Variants in CDH18 observed in about 807,000 individuals in gnomAD.
CDH18 encodes the protein cadherin-18.
Under a neutral mutation model 67.9 loss-of-function variants are expected in CDH18, and 31 were observed. That is an observed-to-expected ratio of 0.46 (90% confidence interval 0.34 to 0.62). CDH18 has a LOEUF of 0.62. CDH18 is among the 20% of genes least tolerant of loss of function. The probability of loss-of-function intolerance (pLI) is 0.01; values close to 1 mark genes in which losing one functional copy is unlikely to be tolerated. For synonymous variants in CDH18, 362 were observed against 347.2 expected, an observed-to-expected ratio of 1.04 and a Z score of -0.48; for missense variants, 890 against 975.5, an observed-to-expected ratio of 0.91 and a Z score of 1.17.
At chr5:19,863,508 T>C (rs1475123311) in intron 2 of CDH18, among the ~76,000 whole-genome samples, 2 of 152,176 alleles carry the variant, frequency 1.3e-5, no homozygotes, top group Non-Finnish European at 2.9e-5. Flanking sequence ...AAATTCCCCA[T>C]GGTGCTGACA....
intron 2 of CDH18, among the ~76,000 whole-genome samples, chr5:20,164,115 T>C (rs1736098220): frequency 3.9e-5 from 6 of 152,328 alleles, no homozygotes; most frequent in African/African-American, 1.4e-4. Context: ...CCTGGCTAGA[T>C]TGCAACATGT....
At chr5:20,162,025 A>G (rs905759041) in intron 2 of CDH18, among the ~76,000 whole-genome samples, 1 of 152,100 alleles carries the variant, frequency 6.6e-6, no homozygotes, top group African/African-American at 2.4e-5. Flanking sequence ...ATGTGGCCCT[A>G]TATTTAATGC....
In CDH18 at chr5:20,319,595, T is replaced by A. The variant is rs118142220; in HGVS notation, c.-579-64090A>T. On this transcript the variant is annotated intron_variant, in intron 1 of 14. Transcript: ENST00000507958. ...TAAATTGCATTTTTAGGGATTTAGC[T>A]TGCATAACCACAAAACATGTTAATC... is the stretch of plus-strand genomic sequence containing the variant. Among the ~76,000 whole-genome samples the A allele has an allele frequency of 0.014, 2,102 of 152,128 alleles. 236 individuals are homozygous for A. The East Asian group carries it at 0.29, about 21-fold the overall frequency.
Position 19,772,493 on chromosome 5 carries a change from G to T in CDH18, c.229-25257C>A, listed in dbSNP as rs1581273070. ...ATGGGTTACAAGAGAAGGAATTCAGGCTTCTAAAAGCTGAAAAAAAACAGA... is the reference window on the plus strand; with the variant it reads ...ATGGGTTACAAGAGAAGGAATTCAGTCTTCTAAAAGCTGAAAAAAAACAGA... On this transcript the variant is annotated intron_variant, in intron 3 of 12. Coordinates refer to ENST00000382275, the MANE Select transcript of CDH18 (RefSeq NM_004934.5). 3.9e-5 allele frequency among the ~76,000 whole-genome samples: 6 copies of T among 152,060 alleles called. No individual in the cohort carries two copies. The Middle Eastern group carries it at 0.02, about 517-fold the overall frequency.
intron 2 of CDH18, among the ~76,000 whole-genome samples, chr5:20,042,146 C>A (rs1209909576): frequency 2.0e-5 from 3 of 152,140 alleles, no homozygotes; most frequent in African/African-American, 7.2e-5. Flanking sequence ...GCTGAGAGTA[C>A]CTTTTTTGCT....
intron 2 of CDH18, among the ~76,000 whole-genome samples, chr5:19,855,775 T>TAAAAC (rs993036660): frequency 4.6e-5 from 7 of 152,148 alleles, no homozygotes; most frequent in African/African-American, 1.4e-4. Context: ...TTAATGCCAC[T>TAAAAC]AAAACAAATA....
intron 8 of CDH18, among the ~76,000 whole-genome samples, chr5:19,563,009 A>G (rs996124106): frequency 3.3e-5 from 5 of 152,188 alleles, no homozygotes; most frequent in Admixed American, 6.6e-5. Flanking sequence ...AAGTTAAAAA[A>G]AGACTTGCCA....
chr5:19,761,270 T>C (rs1420871665), intron 3 of CDH18, among the ~76,000 whole-genome samples: 3 of 152,286 alleles, frequency 2.0e-5, no homozygotes, highest in East Asian at 1.9e-4. Flanking sequence ...AGCCAGGAGA[T>C]AGAATCTCTC....
intron 5 of CDH18, among the ~76,000 whole-genome samples, chr5:19,658,694 C>T (rs952629227): frequency 2.0e-5 from 3 of 151,100 alleles, no homozygotes; most frequent in African/African-American, 4.9e-5. Context: ...GGTACATGTG[C>T]ACAACTTGCA....
At chr5:20,497,260 C>G (rs1169960807) in intron 1 of CDH18, among the ~76,000 whole-genome samples, 1 of 152,042 alleles carries the variant, frequency 6.6e-6, no homozygotes, top group African/African-American at 2.4e-5. Context: ...TCTTATAGTT[C>G]TTGTCAAAGA....
intron 2 of CDH18, among the ~76,000 whole-genome samples, chr5:19,849,312 C>T (rs1203027643): frequency 6.6e-6 from 1 of 151,672 alleles, no homozygotes; most frequent in Non-Finnish European, 1.5e-5. Flanking sequence ...GAGTATAGGG[C>T]ATAGGGCACA....
chr5:19,756,847 TG>T (rs1432767080), intron 3 of CDH18, among the ~76,000 whole-genome samples: 1 of 152,214 alleles, frequency 6.6e-6, no homozygotes, highest in Non-Finnish European at 1.5e-5. Flanking sequence ...AGATGGTGTG[TG>T]TTGCCACTTA....
upstream of CDH18, chr5:19,991,879 G>A (rs968974708): frequency 7.2e-5 from 11 of 152,078 alleles, no homozygotes; most frequent in African/African-American, 1.4e-4. Flanking sequence ...TTACCCTGGC[G>A]TGGTGGCGGG....
At chr5:19,821,899 G>A (rs576405708) in intron 3 of CDH18, among the ~76,000 whole-genome samples, 18 of 152,112 alleles carry the variant, frequency 1.2e-4, no homozygotes, top group Non-Finnish European at 1.3e-4. Flanking sequence ...ATCTTTTCTC[G>A]ACAAGCAACT....
intron 1 of CDH18, among the ~76,000 whole-genome samples, chr5:20,368,183 G>T (rs554133065): frequency 2.0e-5 from 3 of 152,140 alleles, no homozygotes; most frequent in South Asian, 2.1e-4. Flanking sequence ...TCCAGAAAAA[G>T]ATATGTAAGA....
chr5:20,322,026 A>G (rs1308827797), intron 1 of CDH18, among the ~76,000 whole-genome samples: 3 of 152,140 alleles, frequency 2.0e-5, no homozygotes, highest in Non-Finnish European at 4.4e-5. Flanking sequence ...CTAAGAGAAC[A>G]TATCTGTGGT....
At chr5:19,800,908 C>T (rs944930315) in intron 3 of CDH18, among the ~76,000 whole-genome samples, 7 of 152,054 alleles carry the variant, frequency 4.6e-5, no homozygotes, top group African/African-American at 7.2e-5. Flanking sequence ...TGCCTGAGCT[C>T]GGGAGTCCGC....
chr5:20,157,938 T>C (rs375588379), intron 2 of CDH18, among the ~76,000 whole-genome samples: 1 of 152,034 alleles, frequency 6.6e-6, no homozygotes. Flanking sequence ...ACCCAATTCT[T>C]TTCATCCTCC....
intron 2 of CDH18, among the ~76,000 whole-genome samples, chr5:19,978,107 T>C (rs184557206): frequency 6.6e-6 from 1 of 152,212 alleles, no homozygotes; most frequent in African/African-American, 2.4e-5. Flanking sequence ...GGATGAATAA[T>C]TTACCTAAGA....
Sources: gnomAD v4.1 joint callset for allele counts (sites outside exome capture counted in the v4.1 genomes callset) on GRCh38, gnomAD v4.1.1 for gene constraint, MANE v1.5 for transcripts, NCBI Gene and HGNC (gene_info 2026-07-23, HGNC 2026-07-21) for gene names.